Variants in TEX14 observed in about 807,000 individuals in gnomAD.
TEX14 encodes the protein inactive serine/threonine-protein kinase TEX14.
A neutral mutation model predicts 178.6 loss-of-function variants in TEX14; 168 were observed. The ratio of observed to expected loss-of-function variants is 0.94; its 90% CI spans 0.83 to 1.07. The LOEUF (loss-of-function observed/expected upper bound fraction) is 1.07. TEX14 is among the 50% of genes least tolerant of loss of function. TEX14 has a pLI of 0.00. For missense variants in TEX14, 1,730 were observed against 1,753.6 expected, an observed-to-expected ratio of 0.99 and a Z score of 0.24; for synonymous variants, 626 against 634.1, an observed-to-expected ratio of 0.99 and a Z score of 0.19.
intron 24 of TEX14, among the ~76,000 whole-genome samples, chr17:58,571,235 C>CTTTTTT (rs11456555): frequency 1.0e-3 from 128 of 127,130 alleles, no homozygotes; most frequent in Non-Finnish European, 1.2e-3. Context: ...CTTTTCTTTT[C>CTTTTTT]TTTTTTTTTT....
At chr17:58,608,222 C>T (rs929568377) in intron 10 of TEX14, among the ~76,000 whole-genome samples, 3 of 152,118 alleles carry the variant, frequency 2.0e-5, no homozygotes, top group East Asian at 3.9e-4. Flanking sequence ...TCAAGACCAT[C>T]CTGGCCAACA....
At chr17:58,636,745 T>C (rs2144597668) in intron 2 of TEX14, among the ~76,000 whole-genome samples, 1 of 152,048 alleles carries the variant, frequency 6.6e-6, no homozygotes, top group Admixed American at 6.6e-5. Flanking sequence ...AAACCCTGTC[T>C]CTACTAAAAT....
Position 58,570,388 on chromosome 17 carries a change from T to A in TEX14, c.3814A>T (p.Lys1272Ter). 4 of 1,510,146 alleles carry A rather than the reference T, an allele frequency of 2.6e-6. No individual in the cohort carries two copies. The highest frequency in any genetic ancestry group is 3.5e-6 in the Non-Finnish European group (4 of 1,141,342). The allele number at this position is 1,510,146 out of a possible 1,614,324, so 93.5% of individuals were successfully genotyped here. A position where few individuals can be genotyped will look rare whatever the true frequency, so the allele number is the denominator to read the frequency against. ...PHATQRRSLP[K>*]VEAFSQHHID... ...TTTGATATTAAACACAGGGTACCTT[T>A]AGGCAGGCTCCTTCTCTGGGTGGCA... The change falls in exon 25 of 32, where the codon AAA becomes TAA. Residue 1272 changes from lysine to a stop codon, truncating the protein, a stop_gained. Transcript: ENST00000349033. LOFTEE classifies it high-confidence loss of function.
intron 2 of TEX14, chr17:58,631,938 G>T (rs966129778): frequency 6.6e-6 from 1 of 152,148 alleles, no homozygotes; most frequent in Non-Finnish European, 1.5e-5. Flanking sequence ...ATATTACTAT[G>T]TGTTTTTTCC....
intron 1 of TEX14, among the ~76,000 whole-genome samples, chr17:58,668,228 A>C (rs1475612189): frequency 1.3e-5 from 2 of 152,094 alleles, no homozygotes; most frequent in Non-Finnish European, 2.9e-5. Context: ...ACAAATTCCC[A>C]TTTGCCCATG....
At chr17:58,630,334 G>A in intron 3 of TEX14, 106 bp downstream of exon 3, 2 of 804,036 alleles carry the variant, frequency 2.5e-6, no homozygotes, top group Non-Finnish European at 4.1e-6. Context: ...GGGATTATAG[G>A]TATGAGACAC....
Position 58,569,128 on chromosome 17 carries a change from A to G in TEX14, c.3886+64T>C, listed in dbSNP as rs575929620. The G allele has an allele frequency of 6.0e-6, 8 of 1,335,864 alleles. No individual in the cohort carries two copies. The South Asian group carries it at 9.6e-5, about 16-fold the overall frequency. 82.8% of individuals were successfully genotyped at this position (1,335,864 alleles called of 1,614,324 possible). On this transcript the variant is annotated intron_variant, in intron 26 of 31. Coordinates refer to ENST00000349033, the MANE Select transcript of TEX14 (RefSeq NM_031272.5). The surrounding 1 kb of genome is among the most constrained non-coding windows in gnomAD (Gnocchi z 4.1). ...TGTTCACACTTGAGACAAAGACACC[A>G]TACTGTGGTCAGTGACATAACTAAC...
chr17:58,573,420 A>G, intron 22 of TEX14, 112 bp from the exon 23 acceptor site: 1 of 912,716 alleles, frequency 1.1e-6, no homozygotes, highest in Non-Finnish European at 1.7e-6. Flanking sequence ...GTATGTGGCA[A>G]TAGGCCAGAA....
chr17:58,615,856 C>T (rs2045860564), intron 7 of TEX14, among the ~76,000 whole-genome samples: 1 of 152,190 alleles, frequency 6.6e-6, no homozygotes, highest in Non-Finnish European at 1.5e-5. Flanking sequence ...CAGTGGTTCT[C>T]CCCCAGAAAC....
intron 2 of TEX14, among the ~76,000 whole-genome samples, chr17:58,630,918 A>AG (rs1262627711): frequency 2.0e-5 from 3 of 152,176 alleles, no homozygotes; most frequent in African/African-American, 7.2e-5. Context: ...ATGGAATACA[A>AG]GTCCTCACCT....
chr17:58,649,439 A>C (rs182648006), intron 2 of TEX14, among the ~76,000 whole-genome samples: 1 of 152,272 alleles, frequency 6.6e-6, no homozygotes, highest in Admixed American at 6.5e-5. Context: ...CAAGCCCTCT[A>C]TTAGACTGTG....
At chr17:58,573,484 T>C (rs1450590696) in intron 22 of TEX14, among the ~76,000 whole-genome samples, 176 bp from the exon 23 acceptor site, 1 of 152,130 alleles carries the variant, frequency 6.6e-6, no homozygotes, top group Admixed American at 6.6e-5. Flanking sequence ...TTAGAGAACA[T>C]ATTTAAAAGA....
chr17:58,690,785 C>T (rs768936045), intron 1 of TEX14, among the ~76,000 whole-genome samples: 4 of 152,134 alleles, frequency 2.6e-5, no homozygotes, highest in Non-Finnish European at 4.4e-5. Context: ...ATTCTCCCCG[C>T]CAGTAGGGAC....
In TEX14 at chr17:58,568,589, G is replaced by C. The variant is rs941876218; in HGVS notation, c.3886+603C>G. ...TCTTTCCTAGGAAAACAGACCACCT[G>C]CCCCAGTTTCCATAACAATGTAACA... On this transcript the variant is annotated intron_variant, in intron 26 of 31. Transcript: ENST00000349033. 2.6e-5 allele frequency among the ~76,000 whole-genome samples: 4 copies of C among 152,174 alleles called. No individual in the cohort carries two copies. The South Asian group carries it at 8.3e-4, about 32-fold the overall frequency.
At chr17:58,612,352 G>A (rs1281985574) in intron 9 of TEX14, among the ~76,000 whole-genome samples, 1 of 152,176 alleles carries the variant, frequency 6.6e-6, no homozygotes, top group Non-Finnish European at 1.5e-5. Context: ...AGTTTGGGAA[G>A]CTAAGGCAGG....
intron 1 of TEX14, among the ~76,000 whole-genome samples, chr17:58,672,435 T>C (rs530450172): frequency 6.6e-6 from 1 of 152,338 alleles, no homozygotes; most frequent in African/African-American, 2.4e-5. Flanking sequence ...TCACTGCTAC[T>C]TGGCATTCCT....
chr17:58,652,053 G>T, intron 1 of TEX14, 51 bp from the exon 2 acceptor site: 1 of 1,414,344 alleles, frequency 7.1e-7, no homozygotes, highest in East Asian at 2.5e-5. Context: ...AGAAATGCAA[G>T]GAAACAACTT....
chr17:58,617,156 C>A (rs1325324651), intron 6 of TEX14, among the ~76,000 whole-genome samples: 6 of 152,118 alleles, frequency 3.9e-5, no homozygotes, highest in Non-Finnish European at 8.8e-5. Flanking sequence ...GCTGAGGCAT[C>A]AGAATTGCTT....
chr17:58,590,240 A>G (rs2045094273), intron 15 of TEX14, among the ~76,000 whole-genome samples: 1 of 144,000 alleles, frequency 6.9e-6, no homozygotes, highest in Admixed American at 7.1e-5. Flanking sequence ...CAGCCTGGCG[A>G]CATAGCAAGA....
Sources: allele counts gnomAD v4.1 joint callset (sites outside exome capture counted in the v4.1 genomes callset), GRCh38; gene constraint gnomAD v4.1.1; non-coding constraint Gnocchi (gnomAD v3.1); transcripts MANE v1.5; gene names NCBI Gene and HGNC (gene_info 2026-07-23, HGNC 2026-07-21).